PLXNC1: variants seen among roughly 807,000 people sequenced by gnomAD.
The protein encoded by PLXNC1 is plexin-C1.
PLXNC1 carries 75 observed loss-of-function variants against 178.2 expected under a neutral mutation model. The ratio of observed to expected loss-of-function variants is 0.42; its 90% CI spans 0.35 to 0.51. The LOEUF (loss-of-function observed/expected upper bound fraction) is 0.51, where lower values mean the gene tolerates loss of function less well. Ranked by LOEUF, PLXNC1 falls within the 20% of genes least tolerant of loss-of-function variation. The pLI is 0.02. For missense variants in PLXNC1, 1,503 were observed against 1,984.4 expected (o/e 0.76, Z 4.61); for synonymous variants, 790 against 779.9 (o/e 1.01, Z -0.22).
Position 94,220,084 on chromosome 12 carries a change from T to C in PLXNC1, c.1623T>C (p.Ser541=). 6 of 1,614,040 alleles carry C rather than the reference T, an allele frequency of 3.7e-6. No individual in the cohort carries two copies. The highest frequency in any genetic ancestry group is 5.1e-6 in the Non-Finnish European group (6 of 1,179,928). The change falls in exon 6 of 31, where the codon TCT becomes TCC. Residue 541 remains serine (S), a synonymous_variant. Coordinates refer to ENST00000258526, the MANE Select transcript of PLXNC1 (RefSeq NM_005761.3). ...AGTGCATGGTGAAGAATGTGGACTC[T>C]AGCAGGGAGCTCTGCCAGAATAAAA... ...HSKCMVKNVD[S]SRELCQNKSQ...
chr12:94,170,614 G>A (rs986635918), intron 2 of PLXNC1, among the ~76,000 whole-genome samples: 17 of 151,970 alleles, frequency 1.1e-4, no homozygotes, highest in African/African-American at 3.4e-4. Flanking sequence ...GTCTTGCCTG[G>A]AGACCTCACC....
At chr12:94,290,796 A>G (rs547156164) in intron 23 of PLXNC1, among the ~76,000 whole-genome samples, 3 of 152,388 alleles carry the variant, frequency 2.0e-5, no homozygotes, top group Non-Finnish European at 4.4e-5. Context: ...AATTAATATT[A>G]GAATTGAGAA....
chr12:94,182,016 T>C (rs1292051509), intron 3 of PLXNC1, among the ~76,000 whole-genome samples: 1 of 152,096 alleles, frequency 6.6e-6, no homozygotes, highest in Non-Finnish European at 1.5e-5. Flanking sequence ...GTACTCCCCC[T>C]CCCCCTCTTC....
intron 18 of PLXNC1, 55 bp downstream of exon 18, chr12:94,259,430 TATC>T (rs1455847777): frequency 7.4e-7 from 1 of 1,356,808 alleles, no homozygotes; most frequent in East Asian, 2.4e-5. Flanking sequence ...TTCATAGTGT[TATC>T]ATCATCACTA....
chr12:94,287,837 C>A (rs2136175596), intron 23 of PLXNC1, among the ~76,000 whole-genome samples: 1 of 152,296 alleles, frequency 6.6e-6, no homozygotes, highest in South Asian at 2.1e-4. Context: ...ACGTATAATG[C>A]TTCTTGTGTA....
rs1470609436 is a variant in PLXNC1, at chr12:94,267,791, C to T, written c.3597+2566C>T. 2.6e-5 allele frequency among the ~76,000 whole-genome samples: 4 copies of T among 152,144 alleles called. No homozygotes were observed. The East Asian group carries it at 7.7e-4, about 29-fold the overall frequency. ...GTTTTTCATTTCCTTTCAGGCATTT[C>T]CCCCAGCCTGAACCACCATATTTCT... On this transcript the variant is annotated intron_variant, in intron 21 of 30. Transcript: ENST00000258526.
At chr12:94,252,149 C>T (rs1964713044) in intron 15 of PLXNC1, among the ~76,000 whole-genome samples, 2 of 152,142 alleles carry the variant, frequency 1.3e-5, no homozygotes, top group South Asian at 4.1e-4. Flanking sequence ...TTATGTAATT[C>T]CCCAAGAACT....
chr12:94,216,533 A>T (rs1490663326), intron 5 of PLXNC1, among the ~76,000 whole-genome samples: 1 of 152,240 alleles, frequency 6.6e-6, no homozygotes, highest in African/African-American at 2.4e-5. Context: ...AGTGTTGGTG[A>T]TGCCAATTAG....
At chr12:94,267,088 T>C (rs928986224) in intron 21 of PLXNC1, among the ~76,000 whole-genome samples, 5 of 152,250 alleles carry the variant, frequency 3.3e-5, no homozygotes, top group African/African-American at 4.8e-5. Context: ...GGGCTTGTTA[T>C]TCCTAACCTA....
chr12:94,170,180 A>G (rs1250305268), intron 2 of PLXNC1, among the ~76,000 whole-genome samples: 4 of 152,196 alleles, frequency 2.6e-5, no homozygotes, highest in Non-Finnish European at 4.4e-5. Context: ...CTGATCTCCC[A>G]CAGATAACTC....
At chr12:94,226,541 G>T in intron 7 of PLXNC1, 64 bp from the exon 8 acceptor site, 1 of 1,119,574 alleles carries the variant, frequency 8.9e-7, no homozygotes, top group Non-Finnish European at 1.4e-6. Context: ...ATCACAGAGG[G>T]AAATTCTAGG....
chr12:94,199,845 C>CAATG (rs1963054196), intron 4 of PLXNC1, among the ~76,000 whole-genome samples: 1 of 152,168 alleles, frequency 6.6e-6, no homozygotes, highest in Non-Finnish European at 1.5e-5. Flanking sequence ...GGCTGGAGTG[C>CAATG]AATGGCACAA....
At position 94,149,082 on chromosome 12, in the gene PLXNC1, G is replaced by T; in HGVS notation, c.111G>T (p.Glu37Asp). 1 of 1,572,676 alleles carries T rather than the reference G, an allele frequency of 6.4e-7. No homozygotes were observed. Among genetic ancestry groups the T allele is most frequent in the Non-Finnish European group, 8.6e-7 (1 of 1,167,114 alleles). Reference sequence around the variant, plus strand: ...CGGCTCCCGGCCGGGGCGCGGACGAGCCCGTGTGGCGGTCGGAGCAAGCCA... The same window carrying T: ...CGGCTCCCGGCCGGGGCGCGGACGATCCCGTGTGGCGGTCGGAGCAAGCCA... ...ALAAPGRGAD[E>D]PVWRSEQAIG... is the part of the protein sequence containing the mutation. The change falls in exon 1 of 31, where the codon GAG (glutamate) becomes GAT (aspartate). Residue 37 changes from glutamate (E) to aspartate (D), a missense_variant. Physicochemically the swap from Glu to Asp is conservative, Grantham distance 45. Around this residue, in one of 4 missense-constraint regions of PLXNC1, gnomAD observed 176 missense variants for 180.7 expected, o/e 0.97. Coordinates refer to ENST00000258526, the MANE Select transcript of PLXNC1 (RefSeq NM_005761.3).
chr12:94,212,512 TC>T (rs1001077311), intron 5 of PLXNC1, among the ~76,000 whole-genome samples: 2 of 148,914 alleles, frequency 1.3e-5, no homozygotes, highest in African/African-American at 5.0e-5. Flanking sequence ...TGTGTGATGT[TC>T]CCCGCCCTGT....
intron 2 of PLXNC1, among the ~76,000 whole-genome samples, chr12:94,177,952 C>A (rs1962163396): frequency 6.6e-6 from 1 of 152,210 alleles, no homozygotes; most frequent in African/African-American, 2.4e-5. Context: ...ATAATAGTAA[C>A]CATAATGCCA....
At chr12:94,278,154 AC>A (rs1431657754) in intron 21 of PLXNC1, 57 of 376,098 alleles carry the variant, frequency 1.5e-4, no homozygotes, top group Non-Finnish European at 2.8e-4. Context: ...ACCAAAAAAA[AC>A]AAAACAAAAT....
At chr12:94,215,010 C>T (rs1294105059) in intron 5 of PLXNC1, among the ~76,000 whole-genome samples, 1 of 152,100 alleles carries the variant, frequency 6.6e-6, no homozygotes, top group Non-Finnish European at 1.5e-5. Flanking sequence ...GATTCTCCTG[C>T]CTCAGCCTCC....
At chr12:94,259,423 A>G (rs373042427) in intron 18 of PLXNC1, 48 bp downstream of exon 18, 78 of 1,425,726 alleles carry the variant, frequency 5.5e-5, no homozygotes, top group Non-Finnish European at 7.3e-5. Context: ...CCTGATGTTC[A>G]TAGTGTTATC....
At chr12:94,188,570 T>A (rs1433105774) in intron 4 of PLXNC1, among the ~76,000 whole-genome samples, 1 of 152,170 alleles carries the variant, frequency 6.6e-6, no homozygotes, top group South Asian at 2.1e-4. Flanking sequence ...GTGATCCGCC[T>A]GCCTCAGCCT....
Sources: gnomAD v4.1 joint callset for allele counts (sites outside exome capture counted in the v4.1 genomes callset) on GRCh38, gnomAD v4.1.1 for gene constraint, gnomAD v4.1.1 regional missense constraint, MANE v1.5 for transcripts, NCBI Gene and HGNC (gene_info 2026-07-23, HGNC 2026-07-21) for gene names.